Variants in SLC12A1 observed in about 807,000 individuals in gnomAD.
The protein encoded by SLC12A1 is Na-K-2Cl cotransporter.
A neutral mutation model predicts 130.4 loss-of-function variants in SLC12A1; 89 were observed. That is an observed-to-expected ratio of 0.68 (90% CI 0.58 to 0.81). The LOEUF is 0.81. SLC12A1 is among the 40% of genes least tolerant of loss of function. The pLI, the probability that SLC12A1 is intolerant of heterozygous loss-of-function variation, is 0.00. For synonymous variants in SLC12A1, 499 were observed against 460.0 expected (o/e 1.08, Z -1.09); for missense variants, 1,310 against 1,336.4 (o/e 0.98, Z 0.31).
chr15:48,211,409 C>T (rs956462902), intron 2 of SLC12A1, among the ~76,000 whole-genome samples: 1 of 152,206 alleles, frequency 6.6e-6, no homozygotes, highest in Non-Finnish European at 1.5e-5. Flanking sequence ...CTGCAATGTG[C>T]TGTAGCTGTG....
intron 14 of SLC12A1, among the ~76,000 whole-genome samples, chr15:48,250,581 A>G (rs1384958410): frequency 6.6e-6 from 1 of 151,964 alleles, no homozygotes; most frequent in Non-Finnish European, 1.5e-5. Flanking sequence ...GGAAAAGAGT[A>G]AAAAAGAGAA....
At chr15:48,283,912 A>C (rs1399879226) in intron 20 of SLC12A1, among the ~76,000 whole-genome samples, 1 of 152,200 alleles carries the variant, frequency 6.6e-6, no homozygotes, top group Non-Finnish European at 1.5e-5. Flanking sequence ...CTGTCATATG[A>C]CTGCTTTGAA....
intron 4 of SLC12A1, chr15:48,225,325 A>T (rs149172412): frequency 1.3e-5 from 2 of 152,316 alleles, no homozygotes; most frequent in Non-Finnish European, 2.9e-5. Flanking sequence ...GACCAAATGT[A>T]CATAAAAAGA....
intron 17 of SLC12A1, among the ~76,000 whole-genome samples, chr15:48,264,605 C>A (rs924374927): frequency 1.3e-5 from 2 of 151,982 alleles, no homozygotes; most frequent in African/African-American, 4.8e-5. Flanking sequence ...ATGAAATGAC[C>A]TATGAATGGG....
At chr15:48,296,131 C>T (rs2042175700) in intron 24 of SLC12A1, among the ~76,000 whole-genome samples, 1 of 152,206 alleles carries the variant, frequency 6.6e-6, no homozygotes, top group African/African-American at 2.4e-5. Context: ...CCCTTACCTA[C>T]TGTTAACAAC....
At chr15:48,288,276 A>G in intron 22 of SLC12A1, 102 bp downstream of exon 22, 1 of 1,249,462 alleles carries the variant, frequency 8.0e-7, no homozygotes, top group East Asian at 2.5e-5. Flanking sequence ...AAAGAATAAC[A>G]TTTCTGTGTT....
At chr15:48,230,332 T>C (rs1288387743) in intron 6 of SLC12A1, 61 bp from the exon 7 acceptor site, 4 of 963,874 alleles carry the variant, frequency 4.1e-6, no homozygotes, top group African/African-American at 1.6e-5. Flanking sequence ...TGTTAAATGC[T>C]GCAATAAGAC....
intron 21 of SLC12A1, among the ~76,000 whole-genome samples, chr15:48,286,854 G>A (rs906626806): frequency 1.3e-5 from 2 of 152,184 alleles, no homozygotes; most frequent in Non-Finnish European, 2.9e-5. Flanking sequence ...CCAGGTACCT[G>A]AGTGTGAACA....
chr15:48,284,812 A>G (rs950742286), intron 20 of SLC12A1, among the ~76,000 whole-genome samples: 7 of 152,024 alleles, frequency 4.6e-5, no homozygotes, highest in Non-Finnish European at 7.4e-5. Context: ...TGTATCGTTC[A>G]TAGAGATGGA....
chr15:48,243,284 G>A (rs756349779), intron 10 of SLC12A1, among the ~76,000 whole-genome samples: 9 of 152,050 alleles, frequency 5.9e-5, no homozygotes, highest in Non-Finnish European at 7.4e-5. Flanking sequence ...CATTCAAGCA[G>A]AGGCTGGCAG....
intron 9 of SLC12A1, among the ~76,000 whole-genome samples, chr15:48,238,385 G>A (rs899005289): frequency 6.6e-6 from 1 of 152,184 alleles, no homozygotes; most frequent in South Asian, 2.1e-4. Context: ...ATGCAGGTAT[G>A]TGCAAAAGGG....
In SLC12A1 at chr15:48,303,054, T is replaced by A; in HGVS notation, c.*169T>A. On this transcript the variant is annotated 3_prime_UTR_variant, in exon 27 of 27. Transcript: ENST00000380993. ...TTTATCAGTTAATGCGAGCTTTTTT[T>A]TCTCTTCTCAGCTTAAGGGGTTGTC... The A allele has an allele frequency of 2.0e-6, 1 of 497,004 alleles. No homozygotes were observed. The highest frequency in any genetic ancestry group is 3.4e-6 in the Non-Finnish European group (1 of 294,342). 30.8% of individuals were successfully genotyped at this position (497,004 alleles called of 1,614,324 possible). A position where few individuals can be genotyped will look rare whatever the true frequency, so the allele number is the denominator to read the frequency against.
chr15:48,227,092 C>T, intron 5 of SLC12A1: 1 of 1,551,924 alleles, frequency 6.4e-7, no homozygotes, highest in Non-Finnish European at 8.7e-7. Context: ...TTGGAGTCAT[C>T]ATCATTGGCC....
At chr15:48,285,491 G>C (rs1436404026) in intron 21 of SLC12A1, among the ~76,000 whole-genome samples, 1 of 152,184 alleles carries the variant, frequency 6.6e-6, no homozygotes, top group Non-Finnish European at 1.5e-5. Flanking sequence ...TATTTGGTTT[G>C]GAAGTCAAAT....
At position 48,225,831 on chromosome 15, in the gene SLC12A1, A is replaced by G. The variant is rs558228310; in HGVS notation, c.629-645A>G. ...AATTCTTCCACCATTTAATACCTTT[A>G]TTTTTCCTCTTTCAACTGAGGTCTT... On this transcript the variant is annotated intron_variant, in intron 4 of 26. Transcript: ENST00000380993. 1.4e-3 allele frequency: 1,222 copies of G among 890,932 alleles called. 2 individuals carry two copies. Among genetic ancestry groups the G allele is most frequent in the Non-Finnish European group, 1.5e-3 (1,143 of 743,280 alleles). The allele number at this position is 890,932 out of a possible 1,614,324, so 55.2% of individuals were successfully genotyped here.
At chr15:48,240,055 ATATATATATATATATC>A (rs2041492286) in intron 9 of SLC12A1, among the ~76,000 whole-genome samples, 13 of 92,740 alleles carry the variant, frequency 1.4e-4, no homozygotes, top group East Asian at 4.0e-4. Flanking sequence ...ATATCCATAT[ATATATATATATATATC>A]CATATATATA....
At position 48,246,992 on chromosome 15, in the gene SLC12A1, T is replaced by C. The variant is rs140636270; in HGVS notation, c.1536T>C (p.Leu512=). 85 of 1,613,896 alleles carry C rather than the reference T, an allele frequency of 5.3e-5. No individual in the cohort carries two copies. The East Asian group carries it at 1.8e-3, about 34-fold the overall frequency. Residue 512 remains leucine (L), a synonymous_variant, in exon 12 of 27, where the codon CTT becomes CTC. Coordinates refer to ENST00000380993, the MANE Select transcript of SLC12A1 (RefSeq NM_000338.3). ...SATLSSALAS[L]VSAPKVFQAL... is the part of the protein sequence containing the mutation. Reference sequence around the variant, plus strand: ...CACTCTCCTCCGCCCTGGCCTCCCTTGTCAGCGCACCCAAAGTGTTCCAGG... The same window carrying C: ...CACTCTCCTCCGCCCTGGCCTCCCTCGTCAGCGCACCCAAAGTGTTCCAGG...
At chr15:48,210,804 G>A (rs558963251) in intron 2 of SLC12A1, among the ~76,000 whole-genome samples, 8 of 151,934 alleles carry the variant, frequency 5.3e-5, no homozygotes, top group East Asian at 1.9e-4. Context: ...CAGAGGTTGC[G>A]GTGAGCTGAG....
chr15:48,247,813 T>C (rs2041600604), intron 13 of SLC12A1, among the ~76,000 whole-genome samples: 1 of 152,228 alleles, frequency 6.6e-6, no homozygotes, highest in Admixed American at 6.5e-5. Context: ...TTAGTGTTTC[T>C]GGAAATGTGG....
Sources: allele counts gnomAD v4.1 joint callset (sites outside exome capture counted in the v4.1 genomes callset), GRCh38; gene constraint gnomAD v4.1.1; transcripts MANE v1.5; gene names NCBI Gene and HGNC (gene_info 2026-07-23, HGNC 2026-07-21).